The following TBATA variants were observed in gnomAD, a reference collection of about 807,000 sequenced individuals.
The protein encoded by TBATA is thymus, brain and testes associated, also known as protein TBATA.
A neutral mutation model predicts 38.7 loss-of-function variants in TBATA; 47 were observed. The ratio of observed to expected loss-of-function variants is 1.21; its 90% CI spans 0.96 to 1.55. TBATA has a LOEUF of 1.55. Among genes scored for constraint, TBATA ranks in the 40% most tolerant of loss-of-function variants. TBATA has a pLI of 0.00. For missense variants in TBATA, 436 were observed against 435.6 expected (o/e 1.00, Z -0.01); for synonymous variants, 183 against 170.5 (o/e 1.07, Z -0.57).
At chr10:70,775,804 G>C (rs1387430745) in intron 7 of TBATA, among the ~76,000 whole-genome samples, 1 of 152,218 alleles carries the variant, frequency 6.6e-6, no homozygotes, top group African/African-American at 2.4e-5. Context: ...AAGCCCAGAG[G>C]GCAGCCTGAG....
chr10:70,774,739 T>C (rs535810411), intron 8 of TBATA, among the ~76,000 whole-genome samples: 59 of 152,154 alleles, frequency 3.9e-4, no homozygotes, highest in Non-Finnish European at 7.6e-4. Flanking sequence ...CTCACCCTTC[T>C]ACTCAGATGC....
At chr10:70,778,783 G>A (rs1296982373) in intron 5 of TBATA, 147 bp from the exon 6 acceptor site, 1 of 753,066 alleles carries the variant, frequency 1.3e-6, no homozygotes, top group South Asian at 1.4e-5. Flanking sequence ...GTGCCCTGGA[G>A]GGAGAAGGAT....
intron 7 of TBATA, 137 bp from the exon 8 acceptor site, chr10:70,775,407 C>T: frequency 1.5e-6 from 1 of 665,576 alleles, no homozygotes. Flanking sequence ...AACGTGTTCC[C>T]ACAAGGGTCT....
intron 2 of TBATA, among the ~76,000 whole-genome samples, chr10:70,784,020 T>C (rs2131791021): frequency 6.6e-6 from 1 of 152,360 alleles, no homozygotes; most frequent in Non-Finnish European, 1.5e-5. Flanking sequence ...ATAAATGTTG[T>C]TTAAAAACAT....
intron 2 of TBATA, among the ~76,000 whole-genome samples, chr10:70,783,966 A>G (rs1356261566): frequency 6.6e-6 from 1 of 152,252 alleles, no homozygotes; most frequent in Non-Finnish European, 1.5e-5. Context: ...GTTGTCATCC[A>G]CTATATATAA....
intron 7 of TBATA, 72 bp downstream of exon 7, chr10:70,777,081 C>T (rs528195032): frequency 1.3e-6 from 2 of 1,505,942 alleles, no homozygotes; most frequent in Admixed American, 2.0e-5. Context: ...TGGGAGGGGC[C>T]TTGCCCTAAA....
At chr10:70,772,711 G>A (rs1842915397) in intron 9 of TBATA, 145 bp from the exon 10 acceptor site, 1 of 858,856 alleles carries the variant, frequency 1.2e-6, no homozygotes, top group Non-Finnish European at 1.9e-6. Context: ...ACCCCTCCTG[G>A]AGGGCCAGAA....
At chr10:70,782,328 C>G (rs1272090514) in intron 3 of TBATA, 2 of 1,437,146 alleles carry the variant, frequency 1.4e-6, no homozygotes. Flanking sequence ...ATATCTGAAA[C>G]CAGAAAGAGA....
Position 70,779,575 on chromosome 10 carries a change from C to A in TBATA, c.427+18G>T. 1 of 1,465,314 alleles carries A rather than the reference C, an allele frequency of 6.8e-7. No individual in the cohort carries two copies. 90.8% of individuals were successfully genotyped at this position (1,465,314 alleles called of 1,614,324 possible). On this transcript the variant is annotated intron_variant, in intron 5 of 10. Transcript: ENST00000456372. ...GCATGAGCCCCAGGGTAGAGGGAGG[C>A]ATGGCCCAAGTACCCACCAGAAGAA...
At chr10:70,772,206 T>C in intron 10 of TBATA, 1 of 570,164 alleles carries the variant, frequency 1.8e-6, no homozygotes, top group Admixed American at 2.2e-5. Context: ...TTATTCTCCT[T>C]ACAGTATCTG....
Position 70,784,663 on chromosome 10 carries a change from C to A in TBATA, c.-163G>T, listed in dbSNP as rs1381438679. 1.3e-5 allele frequency: 2 copies of A among 152,180 alleles called. No individual in the cohort carries two copies. The highest frequency in any genetic ancestry group is 6.5e-5 in the Admixed American group (1 of 15,272). 9.4% of individuals were successfully genotyped at this position (152,180 alleles called of 1,614,324 possible). A position where few individuals can be genotyped will look rare whatever the true frequency, so the allele number is the denominator to read the frequency against. ...CTGACTCACAGTTTGCTGATCTTTT[C>A]TTTCCTTAAAAGGAAGCTCCAGACA... On this transcript the variant is annotated 5_prime_UTR_variant, in exon 2 of 11. Coordinates refer to ENST00000456372, the MANE Select transcript of TBATA (RefSeq NM_001318241.2).
intron 10 of TBATA, 43 bp from the exon 11 acceptor site, chr10:70,771,504 TG>T: frequency 6.3e-7 from 1 of 1,597,094 alleles, no homozygotes; most frequent in Non-Finnish European, 8.5e-7. Flanking sequence ...ACCGGGAAGG[TG>T]GGGCCCCCAC....
intron 9 of TBATA, among the ~76,000 whole-genome samples, 180 bp from the exon 10 acceptor site, chr10:70,772,746 A>G (rs998251962): frequency 2.6e-5 from 4 of 152,158 alleles, no homozygotes; most frequent in African/African-American, 9.7e-5. Flanking sequence ...ACTAGCACCC[A>G]GGTGGCCTTC....
chr10:70,772,345 G>C, intron 10 of TBATA, 169 bp downstream of exon 10: 1 of 751,568 alleles, frequency 1.3e-6, no homozygotes, highest in Non-Finnish European at 2.4e-6. Flanking sequence ...CATTGTGGGT[G>C]CTCGATAAAT....
chr10:70,776,988 G>T (rs963877790), intron 7 of TBATA, among the ~76,000 whole-genome samples, 165 bp downstream of exon 7: 1 of 152,134 alleles, frequency 6.6e-6, no homozygotes, highest in African/African-American at 2.4e-5. Context: ...GAAACCTAGA[G>T]GCAGCAGGGG....
chr10:70,775,832 G>A (rs551134481), intron 7 of TBATA, among the ~76,000 whole-genome samples: 16 of 152,338 alleles, frequency 1.1e-4, no homozygotes, highest in East Asian at 5.8e-4. Flanking sequence ...AGCACAGGCC[G>A]GTTCTGCAAA....
intron 2 of TBATA, among the ~76,000 whole-genome samples, chr10:70,784,079 C>A (rs1342820349): frequency 1.3e-5 from 2 of 151,830 alleles, no homozygotes; most frequent in Non-Finnish European, 1.5e-5. Context: ...TCCAGAGGAC[C>A]ACAAGTTCCA....
At position 70,781,789 on chromosome 10, in the gene TBATA, G is replaced by A; in HGVS notation, c.277+12C>T. On this transcript the variant is annotated intron_variant, in intron 4 of 10. Transcript: ENST00000456372. ...ACTCCCTCTGCTCCCACCCCAACCA[G>A]CCAGGCCCTACCTTGGATGTGGGTC... The A allele has an allele frequency of 6.2e-7, 1 of 1,611,374 alleles. No homozygotes were observed. Among genetic ancestry groups the A allele is most frequent in the Non-Finnish European group, 8.5e-7 (1 of 1,177,562 alleles).
In TBATA at chr10:70,777,245, C is replaced by T. The variant is rs376093383; in HGVS notation, c.601G>A (p.Gly201Ser). 1.7e-5 allele frequency: 28 copies of T among 1,613,476 alleles called. No homozygotes were observed. Among genetic ancestry groups the T allele is most frequent in the Middle Eastern group, 1.6e-4 (1 of 6,082 alleles). The part of the protein sequence containing the change: ...RLIPASTRAV[G>S]RRRSHQGQQS... ...TGGCCCTGGTGAGATCTGCGGCGGC[C>T]GACAGCCCGGGTGGAAGCGGGGATG... The change falls in exon 7 of 11, where the codon GGC (glycine) becomes AGC (serine). Residue 201 changes from glycine (G) to serine (S), a missense_variant. Transcript: ENST00000456372.
Sources: allele counts gnomAD v4.1 joint callset (sites outside exome capture counted in the v4.1 genomes callset), GRCh38; gene constraint gnomAD v4.1.1; transcripts MANE v1.5; gene names NCBI Gene and HGNC (gene_info 2026-07-23, HGNC 2026-07-21).